ZDHHC11: variants seen among roughly 807,000 people sequenced by gnomAD.
The protein encoded by ZDHHC11 is zDHHC palmitoyltransferase 11, also known as palmitoyltransferase ZDHHC11.
In ZDHHC11, 44 loss-of-function variants were observed where a neutral mutation model predicts 51.3. That is an observed-to-expected ratio of 0.86 (90% CI 0.67 to 1.10). The LOEUF is 1.10. ZDHHC11 is among the 50% of genes least tolerant of loss of function. ZDHHC11 has a pLI of 0.00. For missense variants in ZDHHC11, 400 were observed against 537.7 expected (o/e 0.74, Z 2.53); for synonymous variants, 163 against 222.0 (o/e 0.73, Z 2.36).
intron 11 of ZDHHC11, among the ~76,000 whole-genome samples, chr5:804,990 CTCTT>C (rs1180444421): frequency 2.6e-5 from 4 of 151,278 alleles, no homozygotes; most frequent in African/African-American, 4.9e-5. Context: ...TGGTTTGTAA[CTCTT>C]TTTTTCTATA....
chr5:830,163 G>T (rs1223819371), intron 7 of ZDHHC11, among the ~76,000 whole-genome samples: 1 of 121,794 alleles, frequency 8.2e-6, no homozygotes, highest in African/African-American at 3.1e-5. Context: ...GAAAGAAAAA[G>T]CATCCAAATT....
chr5:837,635 T>G (rs1414584850), intron 5 of ZDHHC11, among the ~76,000 whole-genome samples, 155 bp from the exon 6 acceptor site: 4 of 151,602 alleles, frequency 2.6e-5, no homozygotes, highest in Non-Finnish European at 5.9e-5. Flanking sequence ...GAGGTCAGGA[T>G]GAGTGCAGGT....
chr5:849,294 A>G (rs1288532051), intron 1 of ZDHHC11, among the ~76,000 whole-genome samples: 1 of 152,144 alleles, frequency 6.6e-6, no homozygotes, highest in South Asian at 2.1e-4. Context: ...AGGCTCAGTC[A>G]GCCCAGCCAA....
At chr5:833,528 T>C (rs2150366112) in intron 7 of ZDHHC11, among the ~76,000 whole-genome samples, 1 of 151,926 alleles carries the variant, frequency 6.6e-6, no homozygotes, top group African/African-American at 2.4e-5. Flanking sequence ...TGTGTTAGTT[T>C]AGATGTTAGT....
chr5:807,997 G>A (rs1476423538), intron 11 of ZDHHC11, among the ~76,000 whole-genome samples: 1 of 150,962 alleles, frequency 6.6e-6, no homozygotes, highest in African/African-American at 2.5e-5. Context: ...GGGGTCTGGG[G>A]GTGCAGGCCA....
intron 8 of ZDHHC11, among the ~76,000 whole-genome samples, chr5:822,223 T>C (rs1192906257): frequency 6.6e-6 from 1 of 150,970 alleles, no homozygotes; most frequent in Admixed American, 6.6e-5. Context: ...TAATCCAGAG[T>C]GACTGGTGTC....
At chr5:810,381 C>T (rs1345447712) in intron 11 of ZDHHC11, among the ~76,000 whole-genome samples, 5 of 150,914 alleles carry the variant, frequency 3.3e-5, no homozygotes, top group Middle Eastern at 3.4e-3. Context: ...CCATTCCCTT[C>T]GACATCCCAC....
In ZDHHC11 at chr5:819,592, CG is replaced by C; in HGVS notation, c.1078del (p.Arg360GlyfsTer2). 1 of 1,609,662 alleles carries C rather than the reference CG, an allele frequency of 6.2e-7. No homozygotes were observed. Among genetic ancestry groups the C allele is most frequent in the Non-Finnish European group, 8.5e-7 (1 of 1,176,524 alleles). ...CTGACACAGGCGCCTGCAAATCAGC[CG>C]GGAGTTCCTGGCCTTGGCTCTGGTG... ...SALGAKARNS[R>X]LICRRLCQFS... On this transcript the variant is annotated frameshift_variant, in exon 10 of 13. Transcript: ENST00000283441. LOFTEE classifies it high-confidence loss of function.
upstream of ZDHHC11, among the ~76,000 whole-genome samples, chr5:855,712 C>T (rs977091552): frequency 2.7e-5 from 4 of 150,218 alleles, no homozygotes; most frequent in African/African-American, 7.4e-5. Flanking sequence ...GGGGGACAGA[C>T]CCCACAGAGG....
chr5:813,375 C>CAGCT (rs1486970299), intron 11 of ZDHHC11, among the ~76,000 whole-genome samples: 2 of 142,302 alleles, frequency 1.4e-5, no homozygotes, highest in Non-Finnish European at 3.0e-5. Flanking sequence ...TGATCCAGGG[C>CAGCT]AGCTGGGTTG....
chr5:811,788 T>G (rs1218996468), intron 11 of ZDHHC11, among the ~76,000 whole-genome samples: 1 of 149,734 alleles, frequency 6.7e-6, no homozygotes, highest in Non-Finnish European at 1.5e-5. Context: ...TCAAACAAAC[T>G]TATATGAAAA....
rs185617423 is a variant in ZDHHC11 at position 840,729 on chromosome 5, G to A, written c.629-79C>T. ...TCAGGTGGACGTCACAGACCAGAGC[G>A]TGCTGGGGATGGGGCGGTGTGGGGA... is the stretch of plus-strand genomic sequence containing the variant. On this transcript the variant is annotated intron_variant, in intron 4 of 12. Coordinates refer to ENST00000283441, the MANE Select transcript of ZDHHC11 (RefSeq NM_024786.3). 8.8e-5 allele frequency: 141 copies of A among 1,597,800 alleles called. No individual in the cohort carries two copies. In the African/African-American group the frequency reaches 1.1e-3, roughly 12 times the overall value.
At chr5:851,300 C>T (rs2150478334), upstream of ZDHHC11, among the ~76,000 whole-genome samples, 1 of 151,610 alleles carries the variant, frequency 6.6e-6, no homozygotes, top group Non-Finnish European at 1.5e-5. Context: ...CTGGGAGGTT[C>T]TGAACACGCT....
intron 1 of ZDHHC11, among the ~76,000 whole-genome samples, chr5:856,187 ACACACAC>A (rs1054110724): frequency 9.2e-5 from 14 of 152,006 alleles, no homozygotes; most frequent in Middle Eastern, 3.4e-3. Flanking sequence ...ACCACGTACC[ACACACAC>A]CACACACCAC....
chr5:842,048 G>C, intron 4 of ZDHHC11: 1 of 986,522 alleles, frequency 1.0e-6, no homozygotes, highest in Non-Finnish European at 1.2e-6. Context: ...AGAAGGAGCA[G>C]CTTTGCTCAG....
rs116789309 is a variant in ZDHHC11, at chr5:858,467, C to T, written c.-1+407G>A. Among the ~76,000 whole-genome samples the T allele has an allele frequency of 3.0e-3, 456 of 152,346 alleles. 2 individuals are homozygous for T. Among genetic ancestry groups the T allele is most frequent in the Admixed American group, 0.013 (195 of 15,308 alleles). Reference sequence around the variant, plus strand: ...CCAAGTCCCCATCCTGTCTTTATGACACCATGGTCCCACAGGTCTGTCCTC... The same window carrying T: ...CCAAGTCCCCATCCTGTCTTTATGATACCATGGTCCCACAGGTCTGTCCTC... On this transcript the variant is annotated intron_variant, in intron 1 of 3. Coordinates refer to the ZDHHC11 transcript ENST00000685990.
intron 3 of ZDHHC11, among the ~76,000 whole-genome samples, chr5:846,590 C>T (rs1746209403): frequency 7.8e-6 from 1 of 128,970 alleles, no homozygotes; most frequent in Admixed American, 7.3e-5. Context: ...ACCTCTCGTT[C>T]TTGCACCTCC....
chr5:848,735 C>A, intron 1 of ZDHHC11, 75 bp from the exon 2 acceptor site: 1 of 1,571,766 alleles, frequency 6.4e-7, no homozygotes, highest in Non-Finnish European at 8.6e-7. Context: ...GCCCAAGGGC[C>A]CAGAAGAGGC....
intron 9 of ZDHHC11, among the ~76,000 whole-genome samples, chr5:820,315 TTAATGGGTCGTTTGAAAGGGAATGAAC>T (rs1365383800): frequency 6.6e-6 from 1 of 151,630 alleles, no homozygotes; most frequent in East Asian, 1.9e-4. Context: ...CATAGAAGAC[TTAATGGGTCGTTTGAAAGGGAATGAAC>T]TTTTCCCAGT....
Sources: gnomAD v4.1 joint callset for allele counts (sites outside exome capture counted in the v4.1 genomes callset) on GRCh38, gnomAD v4.1.1 for gene constraint, MANE v1.5 for transcripts, NCBI Gene and HGNC (gene_info 2026-07-23, HGNC 2026-07-21) for gene names.